Variants in DEPDC5 observed in about 807,000 individuals in gnomAD.
DEPDC5 encodes GATOR1 complex protein DEPDC5.
Under a neutral mutation model 217.3 loss-of-function variants are expected in DEPDC5, and 73 were observed. The ratio of observed to expected loss-of-function variants is 0.34; its 90% CI spans 0.28 to 0.41. The LOEUF is 0.41. DEPDC5 is among the 10% of genes least tolerant of loss of function. The probability of loss-of-function intolerance (pLI) is 1.00; values close to 1 mark genes in which losing one functional copy is unlikely to be tolerated. For missense variants in DEPDC5, 1,675 were observed against 2,070.1 expected (o/e 0.81, Z 3.70); for synonymous variants, 733 against 756.7 (o/e 0.97, Z 0.51).
chr22:31,848,618 C>T (rs906581860), intron 31 of DEPDC5, among the ~76,000 whole-genome samples: 1 of 152,172 alleles, frequency 6.6e-6, no homozygotes, highest in African/African-American at 2.4e-5. Context: ...CCAATTTTTC[C>T]TTCTAGGCCT....
intron 30 of DEPDC5, among the ~76,000 whole-genome samples, chr22:31,846,299 G>T (rs958611712): frequency 6.6e-6 from 1 of 152,154 alleles, no homozygotes; most frequent in Non-Finnish European, 1.5e-5. Context: ...AGTTGTGTGT[G>T]TAAGTAGTTC....
chr22:31,901,625 G>T, intron 40 of DEPDC5, 117 bp from the exon 41 acceptor site: 1 of 828,812 alleles, frequency 1.2e-6, no homozygotes, highest in Non-Finnish European at 2.0e-6. Context: ...TGGAGAAGCA[G>T]AGGTTAGGCT....
intron 37 of DEPDC5, among the ~76,000 whole-genome samples, chr22:31,877,436 CAAAAAAAAA>C (rs71184527): frequency 3.3e-4 from 7 of 21,018 alleles, no homozygotes; most frequent in African/African-American, 5.5e-4. Context: ...GACTCCATCT[CAAAAAAAAA>C]AAAAAAAAAA....
intron 31 of DEPDC5, among the ~76,000 whole-genome samples, chr22:31,847,815 A>G (rs574481015): frequency 1.3e-5 from 2 of 152,338 alleles, no homozygotes; most frequent in South Asian, 4.1e-4. Flanking sequence ...TGCCTTCTCA[A>G]CAGTCCCCCA....
At chr22:31,799,304 A>G (rs1308879761) in intron 14 of DEPDC5, among the ~76,000 whole-genome samples, 1 of 151,006 alleles carries the variant, frequency 6.6e-6, no homozygotes, top group Admixed American at 6.6e-5. Context: ...CAGCCTCCCA[A>G]AGTGTTGGGA....
intron 24 of DEPDC5, among the ~76,000 whole-genome samples, chr22:31,831,944 T>C (rs11703040): frequency 0.11 from 16,800 of 152,232 alleles, 986 homozygotes; most frequent in Admixed American, 0.15. Flanking sequence ...CGTCCATGTG[T>C]TCTCTGGCAA....
chr22:31,887,346 G>A (rs1322265984), intron 38 of DEPDC5, among the ~76,000 whole-genome samples: 1 of 149,422 alleles, frequency 6.7e-6, no homozygotes, highest in Non-Finnish European at 1.5e-5. Flanking sequence ...TTGAACCCAG[G>A]AGGCAGAGGT....
intron 4 of DEPDC5, among the ~76,000 whole-genome samples, chr22:31,761,366 G>A (rs1267122525): frequency 1.3e-5 from 2 of 152,010 alleles, no homozygotes; most frequent in African/African-American, 4.8e-5. Flanking sequence ...CCCACTTATA[G>A]GTAAGAACAT....
Position 31,803,715 on chromosome 22 carries a change from G to C in DEPDC5, c.1082-447G>C, listed in dbSNP as rs74279063. 1.4e-3 allele frequency among the ~76,000 whole-genome samples: 208 copies of C among 152,098 alleles called. 3 individuals carry two copies. In the East Asian group the frequency reaches 0.033, roughly 24 times the overall value. ...GAGCCGTGATCTCACGCCACTGCAT[G>C]TCAGCCTGGGCAGCAGAGCAAGACT... On this transcript the variant is annotated intron_variant, in intron 15 of 42. Coordinates refer to ENST00000651528, the MANE Select transcript of DEPDC5 (RefSeq NM_001242896.3).
intron 18 of DEPDC5, among the ~76,000 whole-genome samples, chr22:31,809,312 G>C (rs2087958630): frequency 6.6e-6 from 1 of 152,142 alleles, no homozygotes. Flanking sequence ...ATCTGGTCTT[G>C]AATTTTGGCT....
chr22:31,896,846 G>C (rs531189112), intron 39 of DEPDC5, among the ~76,000 whole-genome samples: 17 of 152,266 alleles, frequency 1.1e-4, no homozygotes, highest in Admixed American at 7.2e-4. Context: ...TACAAAATTA[G>C]GCTGGGATCA....
intron 41 of DEPDC5, 147 bp downstream of exon 41, chr22:31,901,949 C>T: frequency 1.4e-6 from 1 of 704,924 alleles, no homozygotes; most frequent in Non-Finnish European, 2.5e-6. Flanking sequence ...TCCAACAGGA[C>T]TCTTTACATT....
intron 10 of DEPDC5, 47 bp downstream of exon 10, chr22:31,784,922 A>C (rs766771020): frequency 4.1e-5 from 63 of 1,543,670 alleles, no homozygotes; most frequent in East Asian, 1.8e-4. Context: ...AACATTACTC[A>C]ATCAGATTTT....
rs200744555 is a variant in DEPDC5, at chr22:31,843,155, C to T, written c.2576C>T (p.Thr859Met). ...EDQYWLSMGR[T>M]FHKVTLKDKM... ...CAGTATTGGCTGAGTATGGGCAGAA[C>T]GTTCCACAAAGTGACGCTGAAGGAT... The change falls in exon 28 of 43, where the codon ACG becomes ATG. Residue 859 changes from threonine to methionine, a missense_variant. Thr to Met is a moderately conservative substitution (Grantham distance 81). Coordinates refer to ENST00000651528, the MANE Select transcript of DEPDC5 (RefSeq NM_001242896.3). The T allele has an allele frequency of 1.6e-4, 266 of 1,614,154 alleles. No individual in the cohort carries two copies. Among genetic ancestry groups the T allele is most frequent in the Non-Finnish European group, 2.1e-4 (242 of 1,180,032 alleles).
chr22:31,862,743 T>C (rs988458715), intron 33 of DEPDC5, among the ~76,000 whole-genome samples: 8 of 152,234 alleles, frequency 5.3e-5, no homozygotes, highest in Non-Finnish European at 1.2e-4. Flanking sequence ...CCTTTCTGTG[T>C]AGGTCTTCGG....
chr22:31,786,872 C>T (rs972594438), intron 10 of DEPDC5, among the ~76,000 whole-genome samples: 1 of 151,874 alleles, frequency 6.6e-6, no homozygotes, highest in Admixed American at 6.6e-5. Context: ...CCTCAATTCT[C>T]CACCTGTTCA....
intron 41 of DEPDC5, among the ~76,000 whole-genome samples, chr22:31,902,408 T>TTATTTATATA (rs1555938650): frequency 8.9e-5 from 10 of 111,948 alleles, no homozygotes; most frequent in African/African-American, 1.4e-4. Flanking sequence ...CATCTCCTTA[T>TTATTTATATA]TATATATATA....
intron 7 of DEPDC5, among the ~76,000 whole-genome samples, chr22:31,771,668 C>T (rs997224934): frequency 6.2e-5 from 9 of 145,554 alleles, no homozygotes; most frequent in African/African-American, 1.5e-4. Context: ...TGCAGTGAGC[C>T]GAGATCACAC....
intron 14 of DEPDC5, among the ~76,000 whole-genome samples, chr22:31,799,322 C>T (rs1684993090): frequency 1.3e-5 from 2 of 150,818 alleles, no homozygotes; most frequent in Non-Finnish European, 3.0e-5. Context: ...GGATTATAGG[C>T]ATGAGCCACA....
Sources: gnomAD v4.1 joint callset for allele counts (sites outside exome capture counted in the v4.1 genomes callset) on GRCh38, gnomAD v4.1.1 for gene constraint, MANE v1.5 for transcripts, NCBI Gene and HGNC (gene_info 2026-07-23, HGNC 2026-07-21) for gene names.